Variants in GAREM1 observed in about 807,000 individuals in gnomAD.
GAREM1 encodes GRB2 associated regulator of MAPK1 subtype 1, also known as GRB2-associated and regulator of MAPK protein 1.
A neutral mutation model predicts 71.3 loss-of-function variants in GAREM1; 26 were observed. The ratio of observed to expected loss-of-function variants is 0.36; its 90% CI spans 0.27 to 0.51. GAREM1 has a LOEUF of 0.51. Ranked by LOEUF, GAREM1 falls within the 20% of genes least tolerant of loss-of-function variation. The pLI is 0.95. For missense variants in GAREM1, 1,026 were observed against 1,103.1 expected (o/e 0.93, Z 0.99); for synonymous variants, 440 against 433.2 (o/e 1.02, Z -0.20).
chr18:32,272,248 A>G (rs1474654552), intron 4 of GAREM1, among the ~76,000 whole-genome samples: 1 of 152,184 alleles, frequency 6.6e-6, no homozygotes, highest in Non-Finnish European at 1.5e-5. Flanking sequence ...AGCCATTAAG[A>G]AGACTCATGG....
At chr18:32,407,893 T>C (rs544273036) in intron 1 of GAREM1, among the ~76,000 whole-genome samples, 1 of 152,124 alleles carries the variant, frequency 6.6e-6, no homozygotes, top group South Asian at 2.1e-4. Flanking sequence ...AGCATTTAAA[T>C]AAAATTTAAA....
At chr18:32,299,677 T>C (rs2047180939) in intron 3 of GAREM1, among the ~76,000 whole-genome samples, 1 of 152,050 alleles carries the variant, frequency 6.6e-6, no homozygotes, top group Admixed American at 6.6e-5. Context: ...ACCAAAATGA[T>C]GGGATGTTGT....
intron 1 of GAREM1, among the ~76,000 whole-genome samples, chr18:32,461,745 C>T (rs529670213): frequency 1.1e-4 from 16 of 152,130 alleles, no homozygotes; most frequent in African/African-American, 3.9e-4. Flanking sequence ...TTATATTTTA[C>T]AAAAACAATA....
At chr18:32,311,366 T>C (rs1021094103) in intron 2 of GAREM1, among the ~76,000 whole-genome samples, 1 of 152,204 alleles carries the variant, frequency 6.6e-6, no homozygotes, top group Non-Finnish European at 1.5e-5. Flanking sequence ...TTTTTTAGCA[T>C]CTACTAGGTG....
chr18:32,351,552 T>A (rs1468076017), intron 2 of GAREM1, among the ~76,000 whole-genome samples: 1 of 152,208 alleles, frequency 6.6e-6, no homozygotes, highest in Non-Finnish European at 1.5e-5. Context: ...ACACACTTCA[T>A]GTAGTTAAGT....
At position 32,346,824 on chromosome 18, in the gene GAREM1, G is replaced by C. The variant is rs536571369; in HGVS notation, c.263-36501C>G. Among the ~76,000 whole-genome samples, 311 of 152,294 alleles carry C rather than the reference G, an allele frequency of 2.0e-3. 1 individual carries two copies. Among genetic ancestry groups the C allele is most frequent in the South Asian group, 4.4e-3 (21 of 4,826 alleles). On this transcript the variant is annotated intron_variant, in intron 2 of 5. Coordinates refer to ENST00000269209, the MANE Select transcript of GAREM1 (RefSeq NM_001242409.2). ...GTTGAAAGAATGTTTACAAAGTAGA[G>C]TTGAACTGCAGGGGAGAACAGGCCT...
chr18:32,266,054 T>G lies in GAREM1; in HGVS notation c.*1817A>C, dbSNP rs1004209835. On this transcript the variant is annotated 3_prime_UTR_variant, in exon 6 of 6. Coordinates refer to ENST00000269209, the MANE Select transcript of GAREM1 (RefSeq NM_001242409.2). ...TGACTTTTGAAGAGGTGCTCCAGTG[T>G]GAGAATTTTACAGGGTACTCTTTTT... 2.0e-5 allele frequency: 3 copies of G among 152,106 alleles called. No individual in the cohort carries two copies. Among genetic ancestry groups the G allele is most frequent in the African/African-American group, 7.2e-5 (3 of 41,414 alleles). The allele number at this position is 152,106 out of a possible 1,614,324, so 9.4% of individuals were successfully genotyped here.
At chr18:32,334,165 T>C (rs2047565756) in intron 2 of GAREM1, among the ~76,000 whole-genome samples, 1 of 152,154 alleles carries the variant, frequency 6.6e-6, no homozygotes, top group Admixed American at 6.5e-5. Context: ...CAATCTAACT[T>C]AGCCACTTTC....
chr18:32,288,334 C>T (rs2047048064), intron 3 of GAREM1, 131 bp from the exon 4 acceptor site: 3 of 644,998 alleles, frequency 4.7e-6, no homozygotes, highest in South Asian at 2.2e-5. Flanking sequence ...TAAATTTAGA[C>T]ACCTCATTTC....
intron 1 of GAREM1, among the ~76,000 whole-genome samples, chr18:32,416,915 T>C (rs1212939064): frequency 6.6e-6 from 1 of 152,024 alleles, no homozygotes; most frequent in African/African-American, 2.4e-5. Flanking sequence ...AAGAAAAGAA[T>C]CAATGAAGTG....
At chr18:32,334,490 T>A (rs997118869) in intron 2 of GAREM1, among the ~76,000 whole-genome samples, 2 of 152,124 alleles carry the variant, frequency 1.3e-5, no homozygotes, top group African/African-American at 4.8e-5. Flanking sequence ...AGGAGGGTCT[T>A]AATATTTTTC....
chr18:32,366,431 A>C (rs546732747), intron 2 of GAREM1, among the ~76,000 whole-genome samples: 53 of 152,312 alleles, frequency 3.5e-4, no homozygotes, highest in African/African-American at 1.1e-3. Context: ...ATTCATAAAT[A>C]AAATTAGGGC....
intron 3 of GAREM1, among the ~76,000 whole-genome samples, chr18:32,290,068 T>C (rs2047065644): frequency 6.6e-6 from 1 of 151,828 alleles, no homozygotes. Flanking sequence ...ATTTGCAGTG[T>C]CACTTTTACT....
chr18:32,352,188 T>A (rs2047759461), intron 2 of GAREM1, among the ~76,000 whole-genome samples: 1 of 152,170 alleles, frequency 6.6e-6, no homozygotes, highest in South Asian at 2.1e-4. Flanking sequence ...CATTTATTAG[T>A]CAGTTCTGCA....
At chr18:32,469,499 T>G (rs2049029499) in intron 1 of GAREM1, among the ~76,000 whole-genome samples, 1 of 152,172 alleles carries the variant, frequency 6.6e-6, no homozygotes, top group Admixed American at 6.5e-5. Flanking sequence ...GTCATCACTC[T>G]CCAACTGAAA....
chr18:32,399,350 G>C (rs1011249478), intron 1 of GAREM1, among the ~76,000 whole-genome samples: 3 of 152,028 alleles, frequency 2.0e-5, no homozygotes, highest in Admixed American at 1.3e-4. Flanking sequence ...AGAAATAAAG[G>C]GTATTCAATT....
Position 32,287,005 on chromosome 18 carries a change from C to G in GAREM1, c.1566+26G>C. The G allele has an allele frequency of 6.6e-7, 1 of 1,509,386 alleles. No homozygotes were observed. Among genetic ancestry groups the G allele is most frequent in the Non-Finnish European group, 9.2e-7 (1 of 1,089,756 alleles). 93.5% of individuals were successfully genotyped at this position (1,509,386 alleles called of 1,614,324 possible). On this transcript the variant is annotated intron_variant, in intron 4 of 5. Transcript: ENST00000269209. This position sits in a 1 kb window ranked among gnomAD's most constrained non-coding sequence, Gnocchi z 5.9. ...AGCAGAGAGACAGAAAGACTGGCAC[C>G]GCATTCAAAAACAGAAATGACTTAC...
chr18:32,420,389 C>A (rs1351836391), intron 1 of GAREM1, among the ~76,000 whole-genome samples: 2 of 151,540 alleles, frequency 1.3e-5, no homozygotes, highest in African/African-American at 4.8e-5. Context: ...CTGCTGGCCA[C>A]TGATATTGAG....
intron 1 of GAREM1, among the ~76,000 whole-genome samples, chr18:32,405,078 T>A (rs1460318403): frequency 6.6e-6 from 1 of 152,228 alleles, no homozygotes; most frequent in Non-Finnish European, 1.5e-5. Flanking sequence ...TTATTCTTCC[T>A]CTTTTAATAA....
Sources: gnomAD v4.1 joint callset for allele counts (sites outside exome capture counted in the v4.1 genomes callset) on GRCh38, gnomAD v4.1.1 for gene constraint, Gnocchi (gnomAD v3.1) non-coding constraint, MANE v1.5 for transcripts, NCBI Gene and HGNC (gene_info 2026-07-23, HGNC 2026-07-21) for gene names.